The following MSI2 variants were observed in gnomAD, a reference collection of about 807,000 sequenced individuals.
MSI2 encodes RNA-binding protein Musashi homolog 2.
A neutral mutation model predicts 45.6 loss-of-function variants in MSI2; 17 were observed. The observed-to-expected ratio is 0.37, with a 90% CI of 0.26 to 0.56. The LOEUF is 0.56. Among genes scored for constraint, MSI2 ranks in the 20% least tolerant of loss-of-function variants. MSI2 has a pLI of 0.77. For missense variants in MSI2, 293 were observed against 444.2 expected, an observed-to-expected ratio of 0.66 and a Z score of 3.06; for synonymous variants, 156 against 158.2, an observed-to-expected ratio of 0.99 and a Z score of 0.11.
At chr17:57,628,197 G>C (rs996220530) in intron 10 of MSI2, 2 of 152,322 alleles carry the variant, frequency 1.3e-5, no homozygotes, top group South Asian at 2.1e-4. Flanking sequence ...GAGGGAGGAG[G>C]CTCCCTGGGG....
intron 8 of MSI2, among the ~76,000 whole-genome samples, chr17:57,600,358 C>T (rs769176031): frequency 2.6e-5 from 4 of 152,234 alleles, no homozygotes; most frequent in Non-Finnish European, 5.9e-5. Context: ...TTTATATTCA[C>T]AGATGGGAAA....
At chr17:57,644,758 C>T (rs1317847809) in intron 10 of MSI2, among the ~76,000 whole-genome samples, 1 of 152,074 alleles carries the variant, frequency 6.6e-6, no homozygotes, top group African/African-American at 2.4e-5. Flanking sequence ...AAAATTGTTT[C>T]ATAATGGACC....
rs1555643264 is a variant in MSI2, at chr17:57,682,327, C to CCA, written c.*2811_*2812insAC. 5.7e-6 allele frequency: 1 copy of CCA among 175,528 alleles called. No individual in the cohort carries two copies. The highest frequency in any genetic ancestry group is 1.2e-5 in the Non-Finnish European group (1 of 83,168). The allele number at this position is 175,528 out of a possible 1,614,324, so 10.9% of individuals were successfully genotyped here. A position where few individuals can be genotyped will look rare whatever the true frequency, so the allele number is the denominator to read the frequency against. On this transcript the variant is annotated 3_prime_UTR_variant, in exon 14 of 14. Coordinates refer to ENST00000284073, the MANE Select transcript of MSI2 (RefSeq NM_138962.4). ...ACGGCGTTTTGTAGATCCCCCCCCCCCCACCCACTGTGAAGGGGTGCCATA... is the reference window on the plus strand; with the variant it reads ...ACGGCGTTTTGTAGATCCCCCCCCCCCACCACCCACTGTGAAGGGGTGCCATA...
At chr17:57,644,762 A>G (rs1910525810) in intron 10 of MSI2, among the ~76,000 whole-genome samples, 1 of 152,134 alleles carries the variant, frequency 6.6e-6, no homozygotes, top group Admixed American at 6.5e-5. Flanking sequence ...TTGTTTCATA[A>G]TGGACCATTC....
chr17:57,326,945 G>A (rs1199305266), intron 5 of MSI2, among the ~76,000 whole-genome samples: 2 of 152,300 alleles, frequency 1.3e-5, no homozygotes, highest in East Asian at 3.9e-4. Context: ...ATCTGAGAGT[G>A]TTTTTGATAG....
chr17:57,587,377 A>G (rs1199323376), intron 7 of MSI2, among the ~76,000 whole-genome samples: 1 of 152,240 alleles, frequency 6.6e-6, no homozygotes, highest in Non-Finnish European at 1.5e-5. Flanking sequence ...AAAAGGAAAG[A>G]AGAGCACCTT....
chr17:57,641,298 C>T (rs911030289), intron 10 of MSI2, among the ~76,000 whole-genome samples: 7 of 152,102 alleles, frequency 4.6e-5, no homozygotes, highest in Admixed American at 3.3e-4. Flanking sequence ...AAAGTCGGAG[C>T]GCTCAAGACT....
At chr17:57,424,227 G>C (rs1156542879) in intron 6 of MSI2, among the ~76,000 whole-genome samples, 1 of 152,238 alleles carries the variant, frequency 6.6e-6, no homozygotes. Flanking sequence ...AGGACTAAAT[G>C]AATCAGGATG....
chr17:57,450,322 A>AGAG (rs1567831014), intron 6 of MSI2: 1 of 148,424 alleles, frequency 6.7e-6, no homozygotes, highest in African/African-American at 2.5e-5. Flanking sequence ...AAAGAAAGAA[A>AGAG]ACCTTTGTTA....
chr17:57,334,056 C>T (rs146593950), intron 5 of MSI2, among the ~76,000 whole-genome samples: 157 of 152,308 alleles, frequency 1.0e-3, no homozygotes, highest in African/African-American at 3.6e-3. Flanking sequence ...GTTTCTGTCT[C>T]CTCCTGTCCT....
chr17:57,530,557 G>A (rs1006831766), intron 7 of MSI2, among the ~76,000 whole-genome samples: 4 of 152,200 alleles, frequency 2.6e-5, no homozygotes, highest in African/African-American at 9.6e-5. Flanking sequence ...GGTTTCTGGG[G>A]TTCCTATTAA....
intron 8 of MSI2, chr17:57,608,513 C>G (rs555616902): frequency 6.6e-6 from 1 of 152,588 alleles, no homozygotes; most frequent in African/African-American, 2.4e-5. Context: ...ACATCATAGC[C>G]TCTTTCTCCA....
chr17:57,455,321 A>G (rs2085092169), intron 6 of MSI2, among the ~76,000 whole-genome samples: 1 of 152,200 alleles, frequency 6.6e-6, no homozygotes, highest in Admixed American at 6.5e-5. Flanking sequence ...AGCTGTGGTC[A>G]CAGTCGGACC....
intron 5 of MSI2, among the ~76,000 whole-genome samples, chr17:57,332,830 C>G (rs1442810880): frequency 6.6e-6 from 1 of 152,260 alleles, no homozygotes; most frequent in African/African-American, 2.4e-5. Flanking sequence ...TCAAGACCAT[C>G]CTAGCCAACA....
chr17:57,480,462 C>G (rs2085626713), intron 6 of MSI2, among the ~76,000 whole-genome samples: 1 of 152,194 alleles, frequency 6.6e-6, no homozygotes, highest in Non-Finnish European at 1.5e-5. Flanking sequence ...AACTGAAGTT[C>G]AGGCTCCAAC....
chr17:57,549,056 T>C (rs994424852), intron 7 of MSI2, among the ~76,000 whole-genome samples: 4 of 152,208 alleles, frequency 2.6e-5, no homozygotes, highest in Non-Finnish European at 5.9e-5. Flanking sequence ...GTTTGTTTTT[T>C]AAAAGGCTTG....
At chr17:57,390,236 CAG>C (rs1355045294) in intron 5 of MSI2, among the ~76,000 whole-genome samples, 1 of 152,202 alleles carries the variant, frequency 6.6e-6, no homozygotes, top group African/African-American at 2.4e-5. Context: ...GCCTGGGTGA[CAG>C]AGCAAGACCC....
intron 5 of MSI2, among the ~76,000 whole-genome samples, chr17:57,348,932 G>A (rs1915817464): frequency 6.6e-6 from 1 of 152,192 alleles, no homozygotes; most frequent in Admixed American, 6.5e-5. Flanking sequence ...ACTCGTGCCT[G>A]TTAACTCTCC....
At chr17:57,631,721 C>T in intron 10 of MSI2, 2 of 1,328,986 alleles carry the variant, frequency 1.5e-6, no homozygotes, top group Non-Finnish European at 1.1e-6. Flanking sequence ...CCTGCTTCCT[C>T]TCTTTTCCCC....
Sources: gnomAD v4.1 joint callset for allele counts (sites outside exome capture counted in the v4.1 genomes callset) on GRCh38, gnomAD v4.1.1 for gene constraint, MANE v1.5 for transcripts, NCBI Gene and HGNC (gene_info 2026-07-23, HGNC 2026-07-21) for gene names.